Variants in TTC34 observed in about 807,000 individuals in gnomAD.
TTC34 encodes the protein tetratricopeptide repeat protein 34.
A neutral mutation model predicts 40.7 loss-of-function variants in TTC34; 44 were observed. The observed-to-expected ratio is 1.08, with a 90% CI of 0.85 to 1.39. The LOEUF (loss-of-function observed/expected upper bound fraction) is 1.39. Among genes scored for constraint, TTC34 ranks in the 40% most tolerant of loss-of-function variants. TTC34 has a pLI of 0.00. For synonymous variants in TTC34, 422 were observed against 398.6 expected (o/e 1.06, Z -0.70); for missense variants, 884 against 838.0 (o/e 1.05, Z -0.68).
chr1:2,641,856 G>A lies in TTC34; in HGVS notation c.2752C>T (p.Gln918Ter), dbSNP rs1237273030. The A allele has an allele frequency of 4.0e-6, 6 of 1,514,760 alleles. No individual in the cohort carries two copies. The African/African-American group carries it at 5.5e-5, about 14-fold the overall frequency. 93.8% of individuals were successfully genotyped at this position (1,514,760 alleles called of 1,614,324 possible). Residue 918 changes from glutamine to a stop codon, truncating the protein, a stop_gained, in exon 9 of 9, where the codon CAA (glutamine) becomes TAA (stop). Transcript: ENST00000401095. LOFTEE classifies it low-confidence loss of function (END_TRUNC). ...CAGTAGCCCAGCGCCTGCCTGGGTT[G>A]CCCTGCGTCCAGGAGGGTGCCGGCT...
intron 6 of TTC34, among the ~76,000 whole-genome samples, chr1:2,783,361 G>A (rs928088831): frequency 6.6e-6 from 1 of 152,230 alleles, no homozygotes; most frequent in African/African-American, 2.4e-5. Context: ...TACCTCTGAA[G>A]GCTCGCACAT....
At position 2,749,760 on chromosome 1, in the gene TTC34, C is replaced by T. The variant is rs1641256904; in HGVS notation, c.2226+33849G>A. 2.5e-5 allele frequency among the ~76,000 whole-genome samples: 2 copies of T among 81,356 alleles called. 1 individual carries two copies. The highest frequency in any genetic ancestry group is 4.6e-5 in the Non-Finnish European group (2 of 43,582). The allele number at this position is 81,356 out of a possible 152,430, so 53.4% of individuals were successfully genotyped here. On this transcript the variant is annotated intron_variant, in intron 6 of 8. Transcript: ENST00000401095. ...GCATCTGACAGACTGGAACAGCTCCCACACCCCCAGGCGAGCATCTGACAG... is the reference window on the plus strand; with the variant it reads ...GCATCTGACAGACTGGAACAGCTCCTACACCCCCAGGCGAGCATCTGACAG...
Position 2,782,367 on chromosome 1 carries a change from C to T in TTC34, c.2226+1242G>A, listed in dbSNP as rs184133778. 1.7e-3 allele frequency among the ~76,000 whole-genome samples: 264 copies of T among 152,200 alleles called. 1 individual carries two copies. The highest frequency in any genetic ancestry group is 6.0e-3 in the African/African-American group (249 of 41,526). On this transcript the variant is annotated intron_variant, in intron 6 of 8. Coordinates refer to ENST00000401095, the Ensembl canonical transcript of TTC34. ...TAACCTGATTTTCATTTCTGATTGT[C>T]ATGATTTGAATTTTCTCTTTCTTAG...
rs535978938 is a variant in TTC34, at chr1:2,686,704, C to A, written c.2227-41141G>T. 5.6e-4 allele frequency among the ~76,000 whole-genome samples: 83 copies of A among 149,496 alleles called. 2 individuals carry two copies. The highest frequency in any genetic ancestry group is 2.0e-3 in the African/African-American group (80 of 40,180). On this transcript the variant is annotated intron_variant, in intron 6 of 8. Transcript: ENST00000401095. ...GCACCCCCAGGTGCGCACGTGACAG[C>A]CTGGAACAGCACACACACCCCCAGG...
intron 6 of TTC34, among the ~76,000 whole-genome samples, chr1:2,699,407 C>T (rs1476537308): frequency 1.9e-5 from 2 of 106,102 alleles, no homozygotes; most frequent in African/African-American, 3.0e-5. Context: ...GAACAGCACC[C>T]CACACCCCAA....
rs985765457 is a variant in TTC34, at chr1:2,789,703, A to G, written c.1428T>C (p.Tyr476=). 6 of 1,139,882 alleles carry G rather than the reference A, an allele frequency of 5.3e-6. No homozygotes were observed. The African/African-American group carries it at 9.8e-5, about 19-fold the overall frequency. 70.6% of individuals were successfully genotyped at this position (1,139,882 alleles called of 1,614,324 possible). Residue 476 remains tyrosine, a synonymous_variant, in exon 3 of 9, where the codon TAT becomes TAC. Transcript: ENST00000401095. ...CGGGCCGCAGCCTGCAGGCGGTGAC[A>G]TAGTCCAGCGTGCCCAGGAACGCGC...
chr1:2,801,124 C>G (rs1557695898), intron 1 of TTC34, among the ~76,000 whole-genome samples: 1 of 152,188 alleles, frequency 6.6e-6, no homozygotes. Flanking sequence ...GTGGCCTCCC[C>G]CAGCTCAGTT....
intron 6 of TTC34, among the ~76,000 whole-genome samples, chr1:2,652,484 C>A (rs558455040): frequency 0.021 from 198 of 9,430 alleles, no homozygotes; most frequent in African/African-American, 0.05. Flanking sequence ...AGAACCCACA[C>A]CCCCAGGCGA....
At position 2,750,430 on chromosome 1, in the gene TTC34, T is replaced by C. The variant is rs1410841618; in HGVS notation, c.2226+33179A>G. 6.8e-4 allele frequency among the ~76,000 whole-genome samples: 8 copies of C among 11,682 alleles called. 1 individual carries two copies. Among genetic ancestry groups the C allele is most frequent in the Admixed American group, 2.9e-3 (3 of 1,038 alleles). The allele number at this position is 11,682 out of a possible 152,430, so 7.7% of individuals were successfully genotyped here. ...CCCCAGGTGCGCACGTGACAGCCTG[T>C]AACAGCACCCACACACCCAGGCGAG... On this transcript the variant is annotated intron_variant, in intron 6 of 8. Transcript: ENST00000401095.
At chr1:2,790,936 A>G (rs1000823237) in intron 2 of TTC34, among the ~76,000 whole-genome samples, 3 of 152,108 alleles carry the variant, frequency 2.0e-5, no homozygotes, top group African/African-American at 7.2e-5. Context: ...CTGAGGGTGG[A>G]CCTGGGCATT....
At chr1:2,778,901 A>T (rs1291001393) in intron 6 of TTC34, among the ~76,000 whole-genome samples, 1 of 152,068 alleles carries the variant, frequency 6.6e-6, no homozygotes, top group Non-Finnish European at 1.5e-5. Flanking sequence ...CCCGTTAAAT[A>T]CTAACTCTCC....
In TTC34 at chr1:2,767,719, C is replaced by T. The variant is rs550743821; in HGVS notation, c.2226+15890G>A. ...AGGATCTGACTACCTGGAACAGAAC[C>T]CCGCTCTTCCAGGTGAGAATATGAC... On this transcript the variant is annotated intron_variant, in intron 6 of 8. Transcript: ENST00000401095. 4.2e-3 allele frequency among the ~76,000 whole-genome samples: 587 copies of T among 138,644 alleles called. 11 individuals carry two copies. Among genetic ancestry groups the T allele is most frequent in the African/African-American group, 0.015 (555 of 36,986 alleles). The allele number at this position is 138,644 out of a possible 152,430, so 91.0% of individuals were successfully genotyped here.
intron 2 of TTC34, among the ~76,000 whole-genome samples, chr1:2,795,841 T>A (rs925858385): frequency 6.6e-6 from 1 of 152,342 alleles, no homozygotes; most frequent in African/African-American, 2.4e-5. Flanking sequence ...CTTGTCCTCA[T>A]ACATCGTGTA....
intron 6 of TTC34, among the ~76,000 whole-genome samples, chr1:2,655,050 G>T (rs1420036281): frequency 1.1e-4 from 12 of 107,056 alleles, no homozygotes; most frequent in African/African-American, 4.4e-4. Context: ...ACAGCACGCT[G>T]CACCCCCAAG....
chr1:2,691,536 C>A (rs1250861428), intron 6 of TTC34, among the ~76,000 whole-genome samples: 6 of 114,408 alleles, frequency 5.2e-5, no homozygotes, highest in East Asian at 2.6e-4. Flanking sequence ...TGGAACAGAA[C>A]CCACACCCCC....
chr1:2,777,757 C>G (rs1267290819), intron 6 of TTC34, among the ~76,000 whole-genome samples: 1 of 151,636 alleles, frequency 6.6e-6, no homozygotes, highest in South Asian at 2.1e-4. Flanking sequence ...GGGCGAGGGC[C>G]TGCTGCTCCT....
At chr1:2,790,860 C>A (rs1187698255) in intron 2 of TTC34, among the ~76,000 whole-genome samples, 1 of 152,338 alleles carries the variant, frequency 6.6e-6, no homozygotes, top group African/African-American at 2.4e-5. Flanking sequence ...GGGACCCAGC[C>A]CTTCCCTCTC....
chr1:2,648,486 G>A (rs957057731), intron 6 of TTC34, among the ~76,000 whole-genome samples: 6 of 152,134 alleles, frequency 3.9e-5, no homozygotes, highest in African/African-American at 9.7e-5. Flanking sequence ...TGTCTCTCAG[G>A]TCACAGCTCT....
chr1:2,692,665 C>T (rs1159503091), intron 6 of TTC34, among the ~76,000 whole-genome samples: 2 of 138,382 alleles, frequency 1.4e-5, no homozygotes, highest in African/African-American at 2.9e-5. Context: ...GCACCCCACA[C>T]CCACAGGTGA....
Sources: allele counts gnomAD v4.1 joint callset (sites outside exome capture counted in the v4.1 genomes callset), GRCh38; gene constraint gnomAD v4.1.1; transcripts MANE v1.5; gene names NCBI Gene and HGNC (gene_info 2026-07-23, HGNC 2026-07-21).